Variants in ANO1 observed in about 807,000 individuals in gnomAD.
The protein encoded by ANO1 is anoctamin 1, also known as anoctamin-1.
ANO1 carries 59 observed loss-of-function variants against 124.0 expected under a neutral mutation model. The ratio of observed to expected loss-of-function variants is 0.48; its 90% CI spans 0.39 to 0.59. The LOEUF (loss-of-function observed/expected upper bound fraction) is 0.59, where lower values mean the gene tolerates loss of function less well. Ranked by LOEUF, ANO1 falls within the 20% of genes least tolerant of loss-of-function variation. The probability of loss-of-function intolerance (pLI) is 0.00; values close to 1 mark genes in which losing one functional copy is unlikely to be tolerated. For missense variants in ANO1, 1,059 were observed against 1,328.0 expected, an observed-to-expected ratio of 0.80 and a Z score of 3.15; for synonymous variants, 529 against 532.0, an observed-to-expected ratio of 0.99 and a Z score of 0.08.
chr11:70,129,076 C>T (rs936259323), intron 10 of ANO1, among the ~76,000 whole-genome samples: 3 of 152,182 alleles, frequency 2.0e-5, no homozygotes, highest in Non-Finnish European at 2.9e-5. Context: ...CAACTGGGGA[C>T]GTCCTGCCCC....
In ANO1 at chr11:70,060,847, A is replaced by G. The variant is rs117451364; in HGVS notation, c.59-17695A>G. Among the ~76,000 whole-genome samples, 1,242 of 152,276 alleles carry G rather than the reference A, an allele frequency of 8.2e-3. 31 individuals carry two copies. The South Asian group carries it at 0.089, about 11-fold the overall frequency. On this transcript the variant is annotated intron_variant, in intron 1 of 27. Coordinates refer to the ANO1 transcript ENST00000531349. ...TTGGATTTCAGCTGTGTGTAAGGAA[A>G]AAGGATGGGACGAGTCAGGGAGTGC...
At chr11:70,024,782 C>T (rs185162122) in intron 1 of ANO1, among the ~76,000 whole-genome samples, 3 of 152,190 alleles carry the variant, frequency 2.0e-5, no homozygotes, top group East Asian at 3.9e-4. Context: ...CAGACATAGG[C>T]GGATCCCACC....
chr11:70,108,510 G>A, intron 6 of ANO1, 106 bp downstream of exon 6: 2 of 1,310,482 alleles, frequency 1.5e-6, no homozygotes, highest in South Asian at 2.5e-5. Flanking sequence ...GTGTTTAAGA[G>A]GGTTTTGATT....
rs557301328 is a variant in ANO1 at position 70,031,709 on chromosome 11, G to A, written c.58+45543G>A. ...AAAGACCCCTTCAGTGCTCTGAGGC[G>A]CAGTGGCTGTCACTGCCGCTGTCAC... On this transcript the variant is annotated intron_variant, in intron 1 of 27. Coordinates refer to the ANO1 transcript ENST00000531349. 5.9e-5 allele frequency among the ~76,000 whole-genome samples: 9 copies of A among 152,296 alleles called. 1 individual carries two copies. The South Asian group carries it at 1.0e-3, about 18-fold the overall frequency.
chr11:70,004,377 C>T (rs1856444185), intron 1 of ANO1, among the ~76,000 whole-genome samples: 2 of 152,178 alleles, frequency 1.3e-5, no homozygotes, highest in Non-Finnish European at 2.9e-5. Flanking sequence ...GACCACACGC[C>T]GGATGCTTAT....
At chr11:69,979,206 G>C in the ANO1 span, among the ~76,000 whole-genome samples, 1 of 152,180 alleles carries the variant, frequency 6.6e-6, no homozygotes, top group Admixed American at 6.5e-5. Flanking sequence ...GAATGACAGG[G>C]ACTAAAGATG....
At chr11:69,994,707 G>A (rs1856227165) in intron 1 of ANO1, among the ~76,000 whole-genome samples, 1 of 152,040 alleles carries the variant, frequency 6.6e-6, no homozygotes, top group Non-Finnish European at 1.5e-5. Context: ...ATCAAAAATA[G>A]ACCCAAACTG....
intron 8 of ANO1, among the ~76,000 whole-genome samples, chr11:70,123,332 C>T (rs2046371003): frequency 2.0e-5 from 3 of 152,364 alleles, no homozygotes; most frequent in Non-Finnish European, 4.4e-5. Context: ...GCCGTGGGTA[C>T]ACCTGCACTG....
upstream of ANO1, among the ~76,000 whole-genome samples, chr11:70,073,466 A>C (rs1210601616): frequency 6.6e-6 from 1 of 152,164 alleles, no homozygotes. Flanking sequence ...GCTCATAGTA[A>C]GCGCTGCGCA....
At chr11:70,034,521 A>G (rs1176453758) in intron 1 of ANO1, among the ~76,000 whole-genome samples, 2 of 152,074 alleles carry the variant, frequency 1.3e-5, no homozygotes, top group Non-Finnish European at 2.9e-5. Context: ...AACCAACAAA[A>G]ATTATTCATC....
chr11:70,037,895 C>A (rs1209404493), intron 1 of ANO1, among the ~76,000 whole-genome samples: 1 of 152,166 alleles, frequency 6.6e-6, no homozygotes, highest in African/African-American at 2.4e-5. Context: ...GGTCACTCAT[C>A]TTATTCCATG....
intron 1 of ANO1, among the ~76,000 whole-genome samples, chr11:69,993,478 G>A (rs1192600398): frequency 6.6e-6 from 1 of 152,196 alleles, no homozygotes; most frequent in Non-Finnish European, 1.5e-5. Flanking sequence ...AAAAGGGAGA[G>A]AGCCTCGGGC....
At chr11:70,036,511 C>T (rs7105668) in intron 1 of ANO1, among the ~76,000 whole-genome samples, 36,413 of 152,114 alleles carry the variant, frequency 0.24, 4,947 homozygotes, top group South Asian at 0.33. Context: ...GGTGACTCTT[C>T]CTCCTTGACA....
chr11:70,019,712 T>C lies in ANO1; in HGVS notation c.58+33546T>C, dbSNP rs142988665. Reference sequence around the variant, plus strand: ...AAGGGCCAGTTTACCCACCCACCACTGTCTGGGGCTGGCTCTTCTCAGCCC... The same window carrying C: ...AAGGGCCAGTTTACCCACCCACCACCGTCTGGGGCTGGCTCTTCTCAGCCC... On this transcript the variant is annotated intron_variant, in intron 1 of 27. Transcript: ENST00000531349. 7.4e-3 allele frequency among the ~76,000 whole-genome samples: 1,128 copies of C among 152,340 alleles called. 6 individuals carry two copies. Among genetic ancestry groups the C allele is most frequent in the Non-Finnish European group, 0.011 (776 of 68,020 alleles).
At chr11:70,105,398 A>G (rs10751121) in intron 4 of ANO1, among the ~76,000 whole-genome samples, 140,307 of 151,882 alleles carry the variant, frequency 0.92, 65,589 homozygotes, top group South Asian at 0.99. Context: ...TGAAACAGAG[A>G]CTTTCAAAAC....
At chr11:70,135,114 T>C (rs2046906647) in intron 11 of ANO1, among the ~76,000 whole-genome samples, 1 of 152,096 alleles carries the variant, frequency 6.6e-6, no homozygotes, top group African/African-American at 2.4e-5. Context: ...AGGGCACCTA[T>C]GGGAAGGTGT....
At chr11:70,131,332 T>TGTGTGTGC (rs1436307308) in intron 10 of ANO1, among the ~76,000 whole-genome samples, 2 of 148,314 alleles carry the variant, frequency 1.3e-5, no homozygotes, top group Non-Finnish European at 1.5e-5. Context: ...TGTGTGTGTG[T>TGTGTGTGC]GCGCGTCTGT....
At chr11:70,003,796 G>A (rs1856431510) in intron 1 of ANO1, among the ~76,000 whole-genome samples, 1 of 152,176 alleles carries the variant, frequency 6.6e-6, no homozygotes, top group South Asian at 2.1e-4. Context: ...GGTGGATAAA[G>A]ACTGTTTCAC....
intron 4 of ANO1, among the ~76,000 whole-genome samples, chr11:70,105,006 G>A (rs1385740466): frequency 6.6e-6 from 1 of 152,104 alleles, no homozygotes; most frequent in Non-Finnish European, 1.5e-5. Flanking sequence ...CAACCCCCAA[G>A]CCCAGCCCTC....
Sources: gnomAD v4.1 joint callset for allele counts (sites outside exome capture counted in the v4.1 genomes callset) on GRCh38, gnomAD v4.1.1 for gene constraint, MANE v1.5 for transcripts, NCBI Gene and HGNC (gene_info 2026-07-23, HGNC 2026-07-21) for gene names.